CTPS2: variants seen among roughly 807,000 people sequenced by gnomAD.
CTPS2 encodes CTP synthase 2.
CTPS2 carries 19 observed loss-of-function variants against 46.8 expected under a neutral mutation model. The observed-to-expected ratio is 0.41, with a 90% CI of 0.28 to 0.60. The LOEUF (loss-of-function observed/expected upper bound fraction) is 0.60, where lower values mean the gene tolerates loss of function less well. CTPS2 is among the 20% of genes least tolerant of loss of function. CTPS2 has a pLI of 0.35. For synonymous variants in CTPS2, 151 were observed against 165.2 expected, an observed-to-expected ratio of 0.91 and a Z score of 0.66; for missense variants, 286 against 447.6, an observed-to-expected ratio of 0.64 and a Z score of 3.26.
At chrX:16,708,064 A>G (rs1244024927) in intron 1 of CTPS2, among the ~76,000 whole-genome samples, 1 of 112,365 alleles carries the variant, frequency 8.9e-6, no homozygotes, top group Non-Finnish European at 1.9e-5. Flanking sequence ...TTCATTTGTA[A>G]TTTCACAATT....
intron 13 of CTPS2, among the ~76,000 whole-genome samples, chrX:16,666,383 T>G (rs1209676588): frequency 8.9e-6 from 1 of 111,991 alleles, no homozygotes; most frequent in Non-Finnish European, 1.9e-5. Flanking sequence ...TCAATGCTTT[T>G]ATTGAGATTC....
intron 8 of CTPS2, 25 bp downstream of exon 8, chrX:16,689,425 T>C (rs1283741557): frequency 2.5e-6 from 3 of 1,199,144 alleles, no homozygotes; most frequent in Non-Finnish European, 3.4e-6. Context: ...TATTAAAGAT[T>C]ATACAAGTAA....
rs1020441736 is a variant in CTPS2 at position 16,659,321 on chromosome X, G to C, written c.1296+8193C>G. ...TTCTAAGTCAGTAAGTTTGGGACCA[G>C]GTCAGGGGAAGGATTCATCAAAAAA... is the stretch of plus-strand genomic sequence containing the variant. On this transcript the variant is annotated intron_variant, in intron 13 of 18. Transcript: ENST00000359276. 6.3e-5 allele frequency among the ~76,000 whole-genome samples: 7 copies of C among 111,574 alleles called. No homozygotes were observed. The Admixed American group carries it at 6.7e-4, about 11-fold the overall frequency.
intron 13 of CTPS2, among the ~76,000 whole-genome samples, chrX:16,655,873 G>C (rs1251890860): frequency 3.7e-5 from 4 of 109,404 alleles, no homozygotes; most frequent in Middle Eastern, 9.6e-3. Context: ...TTGGCTCACT[G>C]CAACCTCCGC....
chrX:16,690,891 T>C (rs973576062), intron 7 of CTPS2, among the ~76,000 whole-genome samples: 1 of 111,844 alleles, frequency 8.9e-6, no homozygotes, highest in Non-Finnish European at 1.9e-5. Flanking sequence ...GTGTTTGGGG[T>C]GACTTAAGCT....
intron 17 of CTPS2, among the ~76,000 whole-genome samples, chrX:16,601,480 C>T (rs1202077876): frequency 9.2e-6 from 1 of 108,819 alleles, no homozygotes; most frequent in Non-Finnish European, 1.9e-5. Context: ...TATCAAGACA[C>T]AACAGGCAAA....
At chrX:16,682,337 T>G (rs1184346112) in intron 9 of CTPS2, among the ~76,000 whole-genome samples, 1 of 110,929 alleles carries the variant, frequency 9.0e-6, no homozygotes, top group African/African-American at 3.3e-5. Flanking sequence ...ATACAAAAAT[T>G]AGCTGGGCAT....
intron 1 of CTPS2, among the ~76,000 whole-genome samples, chrX:16,705,976 CT>C (rs759199550): frequency 9.2e-6 from 1 of 108,359 alleles, no homozygotes; most frequent in East Asian, 2.9e-4. Flanking sequence ...TGGTGCACAC[CT>C]GTAATCCTGG....
At chrX:16,685,867 C>CAA (rs397976604) in intron 8 of CTPS2, among the ~76,000 whole-genome samples, 41 of 24,364 alleles carry the variant, frequency 1.7e-3, no homozygotes, top group African/African-American at 3.4e-3. Flanking sequence ...ACTCTGTCTC[C>CAA]AAAAAAAAAA....
intron 14 of CTPS2, among the ~76,000 whole-genome samples, chrX:16,628,291 T>C (rs1166953121): frequency 2.7e-5 from 3 of 112,111 alleles, no homozygotes; most frequent in Admixed American, 9.5e-5. Context: ...GTATAATACA[T>C]CTGAGTTGAA....
chrX:16,651,173 G>T, intron 13 of CTPS2: 1 of 1,052,755 alleles, frequency 9.5e-7, no homozygotes, highest in South Asian at 1.9e-5. Context: ...CCACTTAATG[G>T]GACTGATGGT....
intron 13 of CTPS2, 64 bp from the exon 14 acceptor site, chrX:16,639,307 C>T: frequency 1.2e-6 from 1 of 833,770 alleles, no homozygotes; most frequent in Non-Finnish European, 1.8e-6. Flanking sequence ...AAATTTCAAG[C>T]TTTACGTTTA....
intron 10 of CTPS2, among the ~76,000 whole-genome samples, chrX:16,673,753 G>C (rs143458357): frequency 0.054 from 6,051 of 111,769 alleles, 380 homozygotes; most frequent in African/African-American, 0.19. Context: ...GTCTAAATTA[G>C]GCAGGTCAGA....
At chrX:16,658,919 GTC>G (rs1169493620) in intron 13 of CTPS2, among the ~76,000 whole-genome samples, 3 of 112,341 alleles carry the variant, frequency 2.7e-5, no homozygotes, top group South Asian at 3.7e-4. Context: ...GCGCTACACA[GTC>G]TCTCTCTTTT....
chrX:16,634,792 A>T (rs760216996), intron 14 of CTPS2, among the ~76,000 whole-genome samples: 17 of 110,794 alleles, frequency 1.5e-4, no homozygotes, highest in South Asian at 3.9e-4. Context: ...CAAATAAAAT[A>T]CAAAAAATTA....
At chrX:16,658,892 G>A (rs748977392) in intron 13 of CTPS2, among the ~76,000 whole-genome samples, 16 of 112,181 alleles carry the variant, frequency 1.4e-4, no homozygotes, top group Admixed American at 6.6e-4. Flanking sequence ...ACCAGGTTTC[G>A]ATGTTGAGCA....
intron 13 of CTPS2, chrX:16,650,080 C>T (rs894133876): frequency 9.0e-6 from 1 of 111,169 alleles, no homozygotes; most frequent in Non-Finnish European, 1.9e-5. Flanking sequence ...CTTAAATGGC[C>T]AACAAAAGGA....
chrX:16,676,224 C>T (rs1922257472), intron 10 of CTPS2, among the ~76,000 whole-genome samples: 1 of 112,077 alleles, frequency 8.9e-6, no homozygotes, highest in Admixed American at 9.6e-5. Flanking sequence ...TGTAAAGAAT[C>T]GAACTTGAAT....
chrX:16,629,843 G>A (rs746073419), intron 14 of CTPS2, among the ~76,000 whole-genome samples: 1 of 112,167 alleles, frequency 8.9e-6, no homozygotes, highest in Non-Finnish European at 1.9e-5. Context: ...AATGGGCCTC[G>A]TGCCTCTGTT....
Sources: gnomAD v4.1 joint callset for allele counts (sites outside exome capture counted in the v4.1 genomes callset) on GRCh38, gnomAD v4.1.1 for gene constraint, MANE v1.5 for transcripts, NCBI Gene and HGNC (gene_info 2026-07-23, HGNC 2026-07-21) for gene names.